Variants in C8orf34 observed in about 807,000 individuals in gnomAD.
C8orf34 encodes uncharacterized protein C8orf34.
A neutral mutation model predicts 68.3 loss-of-function variants in C8orf34; 65 were observed. The observed-to-expected ratio is 0.95, with a 90% CI of 0.78 to 1.17. The LOEUF is 1.17. Among genes scored for constraint, C8orf34 ranks in the 50% most tolerant of loss-of-function variants. C8orf34 has a pLI of 0.00. For synonymous variants in C8orf34, 244 were observed against 241.2 expected (o/e 1.01, Z -0.11); for missense variants, 664 against 655.4 (o/e 1.01, Z -0.14).
At chr8:68,765,402 T>C (rs1425413020) in intron 10 of C8orf34, among the ~76,000 whole-genome samples, 1 of 152,232 alleles carries the variant, frequency 6.6e-6, no homozygotes, top group Non-Finnish European at 1.5e-5. Flanking sequence ...CTTAGTCTAA[T>C]GACCAGCACC....
chr8:68,381,366 T>G (rs1808021788), intron 1 of C8orf34, among the ~76,000 whole-genome samples: 2 of 152,182 alleles, frequency 1.3e-5, no homozygotes, highest in African/African-American at 2.4e-5. Context: ...AAATGTTGCT[T>G]TTGGAGTACT....
intron 2 of C8orf34, among the ~76,000 whole-genome samples, chr8:68,442,550 A>G (rs995093977): frequency 6.6e-6 from 1 of 152,116 alleles, no homozygotes; most frequent in African/African-American, 2.4e-5. Context: ...AGCAGAGAGC[A>G]AGTGGATGGA....
intron 12 of C8orf34, among the ~76,000 whole-genome samples, chr8:68,804,694 A>T (rs1205067831): frequency 6.6e-6 from 1 of 152,060 alleles, no homozygotes; most frequent in Non-Finnish European, 1.5e-5. Context: ...CAAGAGGATC[A>T]CCTGAGCCGG....
chr8:68,434,368 T>C (rs969845708), intron 1 of C8orf34, among the ~76,000 whole-genome samples: 1 of 152,188 alleles, frequency 6.6e-6, no homozygotes, highest in Non-Finnish European at 1.5e-5. Context: ...GTTCTCATTG[T>C]TCAACTCCCA....
At chr8:68,465,182 C>CA (rs1450744258) in intron 3 of C8orf34, among the ~76,000 whole-genome samples, 1 of 151,962 alleles carries the variant, frequency 6.6e-6, no homozygotes, top group Non-Finnish European at 1.5e-5. Context: ...ATTATGCAGC[C>CA]AAAAAACACA....
At chr8:68,374,771 TA>T (rs1443794103) in intron 1 of C8orf34, among the ~76,000 whole-genome samples, 3 of 152,206 alleles carry the variant, frequency 2.0e-5, no homozygotes, top group Non-Finnish European at 2.9e-5. Flanking sequence ...TATTTTGTCT[TA>T]GGGGAAAATG....
intron 3 of C8orf34, among the ~76,000 whole-genome samples, chr8:68,465,643 C>T (rs980495498): frequency 1.3e-5 from 2 of 152,036 alleles, no homozygotes; most frequent in South Asian, 4.1e-4. Flanking sequence ...GAGTTCATGT[C>T]CTTTGTAGGG....
At chr8:68,494,914 A>G (rs1433978935) in intron 5 of C8orf34, among the ~76,000 whole-genome samples, 1 of 150,940 alleles carries the variant, frequency 6.6e-6, no homozygotes, top group Non-Finnish European at 1.5e-5. Context: ...AAAAATATAT[A>G]TATATCTCAA....
intron 10 of C8orf34, among the ~76,000 whole-genome samples, chr8:68,774,350 A>ATATATATAT (rs1563661802): frequency 4.1e-4 from 45 of 109,528 alleles, no homozygotes; most frequent in African/African-American, 2.1e-3. Context: ...TATATATATA[A>ATATATATAT]AATAAACAAA....
intron 6 of C8orf34, among the ~76,000 whole-genome samples, chr8:68,532,704 A>T (rs1815299965): frequency 6.6e-6 from 1 of 152,146 alleles, no homozygotes; most frequent in Admixed American, 6.5e-5. Context: ...AAAATCAGAA[A>T]ATTCATCGAG....
chr8:68,713,395 G>T (rs1226699308), intron 9 of C8orf34, among the ~76,000 whole-genome samples: 2 of 151,772 alleles, frequency 1.3e-5, no homozygotes. Flanking sequence ...ACTGGTTTTT[G>T]AAAACATAAA....
chr8:68,400,656 G>A (rs1808910713), intron 1 of C8orf34, among the ~76,000 whole-genome samples: 1 of 152,152 alleles, frequency 6.6e-6, no homozygotes, highest in South Asian at 2.1e-4. Flanking sequence ...CAACTCCTGG[G>A]CTTAGGTGAT....
At chr8:68,633,274 G>A (rs1818743854) in intron 7 of C8orf34, among the ~76,000 whole-genome samples, 1 of 152,240 alleles carries the variant, frequency 6.6e-6, no homozygotes, top group African/African-American at 2.4e-5. Flanking sequence ...TCCAATAGAG[G>A]GGAGCACGGA....
Position 68,521,889 on chromosome 8 carries a change from G to A in C8orf34, c.856G>A (p.Ala286Thr). 1 of 1,614,086 alleles carries A rather than the reference G, an allele frequency of 6.2e-7. No homozygotes were observed. The highest frequency in any genetic ancestry group is 1.1e-5 in the South Asian group (1 of 91,082). Residue 286 changes from alanine (A) to threonine (T), a missense_variant, in exon 6 of 14, where the codon GCT becomes ACT. Transcript: ENST00000518698. Reference sequence around the variant, plus strand: ...AGAAAATGATGCTGATCCCCTAGCTGCTGAAATGCTACAGCCTCCAATTCC... The same window carrying A: ...AGAAAATGATGCTGATCCCCTAGCTACTGAAATGCTACAGCCTCCAATTCC... ...REENDADPLA[A>T]EMLQPPIPRS... is the part of the protein sequence containing the mutation.
chr8:68,723,597 C>T (rs1240659176), intron 10 of C8orf34, among the ~76,000 whole-genome samples: 1 of 152,028 alleles, frequency 6.6e-6, no homozygotes, highest in Non-Finnish European at 1.5e-5. Flanking sequence ...TCTCCATAAC[C>T]TCATGATGTT....
chr8:68,728,441 C>T (rs952461283), intron 10 of C8orf34, among the ~76,000 whole-genome samples: 5 of 152,180 alleles, frequency 3.3e-5, no homozygotes, highest in Admixed American at 2.0e-4. Context: ...GTTCCAAAGT[C>T]GCTTCCATAT....
At chr8:68,798,978 C>T (rs1824255406) in intron 12 of C8orf34, among the ~76,000 whole-genome samples, 1 of 152,172 alleles carries the variant, frequency 6.6e-6, no homozygotes, top group African/African-American at 2.4e-5. Context: ...TGTTTATTAA[C>T]ATGTCTTTGT....
At chr8:68,547,815 T>C (rs1377849016) in intron 7 of C8orf34, among the ~76,000 whole-genome samples, 2 of 151,726 alleles carry the variant, frequency 1.3e-5, no homozygotes, top group Admixed American at 6.6e-5. Flanking sequence ...CCTAAGGCTA[T>C]AATAATCAAG....
chr8:68,361,938 C>T (rs889825024), intron 1 of C8orf34, among the ~76,000 whole-genome samples: 33 of 152,338 alleles, frequency 2.2e-4, no homozygotes, highest in African/African-American at 6.5e-4. Flanking sequence ...GATCTACTAA[C>T]GTACATGGAA....
Sources: gnomAD v4.1 joint callset for allele counts (sites outside exome capture counted in the v4.1 genomes callset) on GRCh38, gnomAD v4.1.1 for gene constraint, MANE v1.5 for transcripts, NCBI Gene and HGNC (gene_info 2026-07-23, HGNC 2026-07-21) for gene names.